MARCHF1: variants seen among roughly 807,000 people sequenced by gnomAD.
MARCHF1 encodes membrane associated ring-CH-type finger 1.
MARCHF1 carries 40 observed loss-of-function variants against 54.2 expected under a neutral mutation model. That is an observed-to-expected ratio of 0.74 (90% confidence interval 0.57 to 0.96). The LOEUF (loss-of-function observed/expected upper bound fraction) is 0.96, where lower values mean the gene tolerates loss of function less well. Ranked by LOEUF, MARCHF1 falls within the 40% of genes least tolerant of loss-of-function variation. MARCHF1 has a pLI of 0.00. For synonymous variants in MARCHF1, 236 were observed against 236.3 expected (o/e 1.00, Z 0.01); for missense variants, 586 against 656.5 (o/e 0.89, Z 1.17).
At chr4:164,031,422 TA>T (rs1490541392) in intron 2 of MARCHF1, among the ~76,000 whole-genome samples, 2 of 102,040 alleles carry the variant, frequency 2.0e-5, no homozygotes, top group African/African-American at 2.8e-5. Flanking sequence ...TCTATTATAT[TA>T]TTTTTTTTTC....
Position 164,098,968 on chromosome 4 carries a change from C to T in MARCHF1, c.-248+12620G>A, listed in dbSNP as rs376828103. Among the ~76,000 whole-genome samples the T allele has an allele frequency of 2.6e-5, 4 of 152,250 alleles. No homozygotes were observed. The East Asian group carries it at 5.8e-4, about 22-fold the overall frequency. On this transcript the variant is annotated intron_variant, in intron 2 of 9. Coordinates refer to ENST00000514618, the MANE Select transcript of MARCHF1 (RefSeq NM_001394959.1). ...TACAATTTTTGTTACCATTGCAAAG[C>T]GGAAAAGATTACCTTTTGCAGATTT...
chr4:164,156,540 C>T (rs2110926219), intron 1 of MARCHF1, among the ~76,000 whole-genome samples: 1 of 152,276 alleles, frequency 6.6e-6, no homozygotes, highest in Middle Eastern at 3.4e-3. Flanking sequence ...CCTCCTATCT[C>T]AGCCTCCTGT....
intron 7 of MARCHF1, among the ~76,000 whole-genome samples, chr4:163,599,821 C>T (rs565357635): frequency 6.6e-6 from 1 of 152,270 alleles, no homozygotes; most frequent in Non-Finnish European, 1.5e-5. Flanking sequence ...TCCAGGGACT[C>T]TACTTAGAGA....
chr4:164,009,002 AAAC>A (rs1279202521), intron 2 of MARCHF1, among the ~76,000 whole-genome samples: 1 of 152,078 alleles, frequency 6.6e-6, no homozygotes, highest in African/African-American at 2.4e-5. Context: ...CAAAAAGTAC[AAAC>A]ACCAAATGAA....
At position 163,704,119 on chromosome 4, in the gene MARCHF1, GA is replaced by G. The variant is rs59999112; in HGVS notation, c.112-3257del. Among the ~76,000 whole-genome samples the G allele has an allele frequency of 5.3e-4, 78 of 146,236 alleles. 2 individuals are homozygous for G. The South Asian group carries it at 8.4e-3, about 16-fold the overall frequency. Reference sequence around the variant, plus strand: ...AAAAAGTTTTTTTTTAATGTAATATGAAAAAAAAATAAATATTTCTGCAAAA... The same window carrying G: ...AAAAAGTTTTTTTTTAATGTAATATGAAAAAAAATAAATATTTCTGCAAAA... On this transcript the variant is annotated intron_variant, in intron 4 of 9. Transcript: ENST00000514618.
intron 7 of MARCHF1, among the ~76,000 whole-genome samples, chr4:163,605,354 A>G (rs1258203777): frequency 6.6e-6 from 1 of 152,202 alleles, no homozygotes; most frequent in Non-Finnish European, 1.5e-5. Context: ...AACCACAATG[A>G]GATACCATCT....
intron 1 of MARCHF1, among the ~76,000 whole-genome samples, chr4:164,248,616 T>A (rs4691964): frequency 0.91 from 138,963 of 152,030 alleles, 63,648 homozygotes; most frequent in African/African-American, 0.96. Context: ...ACAGGAATGT[T>A]AACAGGATGA....
At chr4:164,122,101 C>T (rs112207694) in intron 1 of MARCHF1, among the ~76,000 whole-genome samples, 1,533 of 152,130 alleles carry the variant, frequency 0.01, 29 homozygotes, top group East Asian at 0.081. Flanking sequence ...ACCATATGAC[C>T]ATTTTAATCA....
intron 1 of MARCHF1, among the ~76,000 whole-genome samples, chr4:164,121,712 T>G (rs757634435): frequency 2.0e-4 from 31 of 152,016 alleles, no homozygotes; most frequent in Non-Finnish European, 4.3e-4. Context: ...AAAAGTCTCC[T>G]AGAAAGAAAA....
In MARCHF1 at chr4:163,994,019, T is replaced by A. The variant is rs543572860; in HGVS notation, c.-247-5310A>T. 5.3e-5 allele frequency among the ~76,000 whole-genome samples: 8 copies of A among 152,260 alleles called. No homozygotes were observed. The East Asian group carries it at 1.5e-3, about 29-fold the overall frequency. ...CCAAGTAAATAAATGTACAAGCTAA[T>A]CTTTGTTAATGTTCTCTGTAGCTTT... On this transcript the variant is annotated intron_variant, in intron 2 of 9. Coordinates refer to ENST00000514618, the MANE Select transcript of MARCHF1 (RefSeq NM_001394959.1).
chr4:163,696,228 A>C (rs1744628614), intron 5 of MARCHF1, among the ~76,000 whole-genome samples: 1 of 152,184 alleles, frequency 6.6e-6, no homozygotes, highest in South Asian at 2.1e-4. Flanking sequence ...AATATATGGT[A>C]CAAAGATCCA....
At chr4:163,674,355 G>A (rs1181478154) in intron 5 of MARCHF1, among the ~76,000 whole-genome samples, 1 of 152,134 alleles carries the variant, frequency 6.6e-6, no homozygotes, top group Non-Finnish European at 1.5e-5. Context: ...GAAAAAAAAT[G>A]TGATGGGCTG....
chr4:164,248,957 T>C (rs1169030689), intron 1 of MARCHF1, among the ~76,000 whole-genome samples: 1 of 152,084 alleles, frequency 6.6e-6, no homozygotes, highest in Non-Finnish European at 1.5e-5. Flanking sequence ...AATATGTAAA[T>C]AAACCAAACA....
At chr4:164,062,961 T>G (rs748552078) in intron 2 of MARCHF1, among the ~76,000 whole-genome samples, 4 of 152,238 alleles carry the variant, frequency 2.6e-5, no homozygotes, top group Non-Finnish European at 5.9e-5. Context: ...TATGACTAGG[T>G]GCATTGTTAA....
intron 1 of MARCHF1, among the ~76,000 whole-genome samples, chr4:164,273,340 G>A (rs1733789594): frequency 6.6e-6 from 1 of 152,112 alleles, no homozygotes. Flanking sequence ...ATCACAAGAA[G>A]AGCACGGGGG....
intron 2 of MARCHF1, among the ~76,000 whole-genome samples, chr4:164,069,128 CTG>C (rs1311305649): frequency 6.6e-6 from 1 of 152,196 alleles, no homozygotes; most frequent in African/African-American, 2.4e-5. Flanking sequence ...AACTGACACT[CTG>C]TATCTAGCTA....
intron 5 of MARCHF1, among the ~76,000 whole-genome samples, chr4:163,618,968 G>A (rs1184178293): frequency 1.3e-5 from 2 of 152,092 alleles, no homozygotes; most frequent in Admixed American, 6.6e-5. Context: ...CACAAGGTGA[G>A]TGTGACTCAA....
chr4:163,807,944 T>C (rs1001579045), intron 4 of MARCHF1, among the ~76,000 whole-genome samples: 1 of 152,228 alleles, frequency 6.6e-6, no homozygotes, highest in Non-Finnish European at 1.5e-5. Flanking sequence ...TTAGACTTGC[T>C]TCTGAATTAC....
chr4:163,646,280 A>G (rs1742757750), intron 5 of MARCHF1, among the ~76,000 whole-genome samples: 1 of 150,404 alleles, frequency 6.6e-6, no homozygotes, highest in Non-Finnish European at 1.5e-5. Context: ...CAAGCATACT[A>G]TACTCAGCAA....
Sources: allele counts gnomAD v4.1 joint callset (sites outside exome capture counted in the v4.1 genomes callset), GRCh38; gene constraint gnomAD v4.1.1; transcripts MANE v1.5; gene names NCBI Gene and HGNC (gene_info 2026-07-23, HGNC 2026-07-21).